Variants in FREM2 observed in about 807,000 individuals in gnomAD.
FREM2 encodes the protein FRAS1-related extracellular matrix protein 2.
FREM2 carries 119 observed loss-of-function variants against 219.9 expected under a neutral mutation model. The ratio of observed to expected loss-of-function variants is 0.54; its 90% CI spans 0.47 to 0.63. FREM2 has a LOEUF of 0.63. FREM2 is among the 30% of genes least tolerant of loss of function. FREM2 has a pLI of 0.00. For synonymous variants in FREM2, 1,562 were observed against 1,522.8 expected, an observed-to-expected ratio of 1.03 and a Z score of -0.60; for missense variants, 4,030 against 3,993.6, an observed-to-expected ratio of 1.01 and a Z score of -0.25.
At chr13:38,801,298 C>T (rs1417091637) in intron 6 of FREM2, among the ~76,000 whole-genome samples, 4 of 152,150 alleles carry the variant, frequency 2.6e-5, no homozygotes, top group Non-Finnish European at 5.9e-5. Flanking sequence ...CACGGAGCTT[C>T]ATTAAAATTA....
intron 2 of FREM2, among the ~76,000 whole-genome samples, chr13:38,761,073 A>G (rs1057442670): frequency 2.0e-5 from 3 of 152,172 alleles, no homozygotes; most frequent in African/African-American, 7.2e-5. Context: ...TTAGCTAAGA[A>G]TTGTTAAAAT....
chr13:38,743,167 G>A (rs762022986), intron 2 of FREM2, among the ~76,000 whole-genome samples: 2 of 152,078 alleles, frequency 1.3e-5, no homozygotes, highest in Admixed American at 6.5e-5. Flanking sequence ...ATATACACTT[G>A]AGATATACAA....
chr13:38,688,471 G>A lies in FREM2; in HGVS notation c.1127G>A (p.Arg376His), dbSNP rs544070855. Residue 376 changes from arginine (R) to histidine (H), a missense_variant, in exon 1 of 24, where the codon CGC (arginine) becomes CAC (histidine). Physicochemically the swap from Arg to His is conservative, Grantham distance 29. Coordinates refer to ENST00000280481, the MANE Select transcript of FREM2 (RefSeq NM_207361.6). ...GGCTACTTGGTGAGCACCGATGATC[G>A]CAGCCTGCCCCTTTCCTCCTTCACT... is the stretch of plus-strand genomic sequence containing the variant. The part of the protein sequence containing the change: ...GQGYLVSTDD[R>H]SLPLSSFTQR... The A allele has an allele frequency of 6.4e-5, 103 of 1,614,022 alleles. No individual in the cohort carries two copies. The highest frequency in any genetic ancestry group is 7.3e-5 in the Non-Finnish European group (86 of 1,179,994).
chr13:38,714,976 C>A (rs942658852), intron 2 of FREM2, among the ~76,000 whole-genome samples: 1 of 151,852 alleles, frequency 6.6e-6, no homozygotes, highest in African/African-American at 2.4e-5. Flanking sequence ...CCTGTAATCC[C>A]AGCTACTTGG....
At position 38,688,596 on chromosome 13, in the gene FREM2, G is replaced by A. The variant is rs1163074677; in HGVS notation, c.1252G>A (p.Glu418Lys). Residue 418 changes from glutamate (E) to lysine (K), a missense_variant, in exon 1 of 24, where the codon GAA becomes AAA. Physicochemically the swap from Glu to Lys is moderately conservative, Grantham distance 56 (BLOSUM62 1). This residue lies in a region of FREM2 where 3,102 missense variants were observed against 2,950.7 expected (regional missense o/e 1.05). Coordinates refer to ENST00000280481, the MANE Select transcript of FREM2 (RefSeq NM_207361.6). The stretch of plus-strand genomic sequence containing the variant: ...ACTGGAATTGGAGGTAGTGGATCTA[G>A]AAGGAGCAGCTTCAGACCCTTTTGC... ...FELELEVVDL[E>K]GAASDPFAFM... 1 of 1,614,054 alleles carries A rather than the reference G, an allele frequency of 6.2e-7. No homozygotes were observed. The highest frequency in any genetic ancestry group is 1.3e-5 in the African/African-American group (1 of 75,044).
At chr13:38,791,616 C>A (rs1432922832) in intron 6 of FREM2, among the ~76,000 whole-genome samples, 4 of 152,050 alleles carry the variant, frequency 2.6e-5, no homozygotes, top group African/African-American at 9.7e-5. Flanking sequence ...AAGGGGAAAC[C>A]CCTTATAAAA....
Position 38,783,079 on chromosome 13 carries a change from T to C in FREM2, c.5651T>C (p.Val1884Ala). ...TGTGTTTTCTCTCTAGAGCCAACTG[T>C]GTTTATTCCCCAGTCCAAATACTCC... ...EIVDPGDEPT[V>A]FIPQSKYSVE... Residue 1884 changes from valine (V) to alanine (A), a missense_variant, in exon 5 of 24, where the codon GTG becomes GCG. Transcript: ENST00000280481. 6.2e-7 allele frequency: 1 copy of C among 1,613,724 alleles called. No homozygotes were observed. The highest frequency in any genetic ancestry group is 8.5e-7 in the Non-Finnish European group (1 of 1,179,922).
At chr13:38,796,669 C>G (rs1038733218) in intron 6 of FREM2, among the ~76,000 whole-genome samples, 2 of 152,072 alleles carry the variant, frequency 1.3e-5, no homozygotes, top group Non-Finnish European at 2.9e-5. Flanking sequence ...ATTCATCTGT[C>G]AATGGACACT....
chr13:38,851,358 A>G (rs764734556), intron 10 of FREM2, among the ~76,000 whole-genome samples: 2 of 151,926 alleles, frequency 1.3e-5, no homozygotes, highest in Non-Finnish European at 2.9e-5. Context: ...CTGGCCCTCT[A>G]CTCTATACAC....
chr13:38,696,917 C>T (rs1024218269), intron 1 of FREM2, among the ~76,000 whole-genome samples: 2 of 151,728 alleles, frequency 1.3e-5, no homozygotes, highest in Admixed American at 1.3e-4. Flanking sequence ...AAGCAATTCT[C>T]CTGCCTCAGC....
At chr13:38,833,768 TCTCA>T (rs1876601243) in intron 6 of FREM2, among the ~76,000 whole-genome samples, 1 of 152,178 alleles carries the variant, frequency 6.6e-6, no homozygotes, top group South Asian at 2.1e-4. Flanking sequence ...CATATTTCTC[TCTCA>T]CTCTTGAATT....
chr13:38,798,180 A>T (rs1008427701), intron 6 of FREM2, among the ~76,000 whole-genome samples: 2 of 152,038 alleles, frequency 1.3e-5, no homozygotes, highest in African/African-American at 4.8e-5. Flanking sequence ...CATTTTTATT[A>T]TGATGGATGT....
At chr13:38,808,519 G>C (rs574609410) in intron 6 of FREM2, among the ~76,000 whole-genome samples, 17 of 151,950 alleles carry the variant, frequency 1.1e-4, no homozygotes, top group African/African-American at 4.1e-4. Flanking sequence ...TGAAAACTTA[G>C]AAGCTATTGT....
chr13:38,786,421 T>C (rs1233981527), intron 6 of FREM2, among the ~76,000 whole-genome samples: 1 of 152,206 alleles, frequency 6.6e-6, no homozygotes, highest in Non-Finnish European at 1.5e-5. Context: ...TGCTCTAATA[T>C]TTTTAACTGC....
chr13:38,765,796 G>C (rs1041111160), intron 3 of FREM2, among the ~76,000 whole-genome samples: 1 of 152,062 alleles, frequency 6.6e-6, no homozygotes, highest in Non-Finnish European at 1.5e-5. Context: ...TTGCAGGGGG[G>C]CTGGTCTCCC....
chr13:38,735,978 C>G (rs965888994), intron 2 of FREM2, among the ~76,000 whole-genome samples: 1 of 152,146 alleles, frequency 6.6e-6, no homozygotes, highest in African/African-American at 2.4e-5. Context: ...GAAGAGCCTT[C>G]AGTGGCAGAA....
At chr13:38,712,478 A>G (rs1240470555) in intron 2 of FREM2, among the ~76,000 whole-genome samples, 3 of 152,188 alleles carry the variant, frequency 2.0e-5, no homozygotes, top group Non-Finnish European at 4.4e-5. Context: ...AGACCCTTCA[A>G]GTATTTTAAT....
At chr13:38,698,779 T>C (rs1870224027) in intron 2 of FREM2, among the ~76,000 whole-genome samples, 1 of 152,300 alleles carries the variant, frequency 6.6e-6, no homozygotes, top group Admixed American at 6.5e-5. Context: ...AAGCATTACA[T>C]AGTATTTGTT....
At chr13:38,739,395 A>T (rs933661811) in intron 2 of FREM2, among the ~76,000 whole-genome samples, 1 of 152,170 alleles carries the variant, frequency 6.6e-6, no homozygotes, top group Non-Finnish European at 1.5e-5. Flanking sequence ...AGGAGTGATT[A>T]TGTAGAATCC....
Sources: gnomAD v4.1 joint callset for allele counts (sites outside exome capture counted in the v4.1 genomes callset) on GRCh38, gnomAD v4.1.1 for gene constraint, gnomAD v4.1.1 regional missense constraint, MANE v1.5 for transcripts, NCBI Gene and HGNC (gene_info 2026-07-23, HGNC 2026-07-21) for gene names.